METTL24: variants seen among roughly 807,000 people sequenced by gnomAD.
The protein encoded by METTL24 is probable methyltransferase-like protein 24.
A neutral mutation model predicts 32.7 loss-of-function variants in METTL24; 29 were observed. The ratio of observed to expected loss-of-function variants is 0.89; its 90% confidence interval spans 0.66 to 1.21. METTL24 has a LOEUF of 1.21. METTL24 is among the 50% of genes most tolerant of loss of function. The pLI is 0.00. For missense variants in METTL24, 439 were observed against 468.1 expected (o/e 0.94, Z 0.57); for synonymous variants, 163 against 179.5 (o/e 0.91, Z 0.73).
At chr6:110,321,708 C>A (rs985544324) in intron 2 of METTL24, among the ~76,000 whole-genome samples, 1 of 152,196 alleles carries the variant, frequency 6.6e-6, no homozygotes, top group African/African-American at 2.4e-5. Context: ...ATTCAACAAG[C>A]TTTTACGTCC....
chr6:110,358,334 G>C lies in METTL24; in HGVS notation c.-62C>G. Reference sequence around the variant, plus strand: ...CGGCAGCAGGGATGTAGCCCCACAGGCCGGAGCGGCCAACTGTGGGAACTC... The same window carrying C: ...CGGCAGCAGGGATGTAGCCCCACAGCCCGGAGCGGCCAACTGTGGGAACTC... On this transcript the variant is annotated 5_prime_UTR_variant, in exon 1 of 5. Transcript: ENST00000338882. The C allele has an allele frequency of 1.6e-6, 2 of 1,244,776 alleles. No individual in the cohort carries two copies. Among genetic ancestry groups the C allele is most frequent in the South Asian group, 3.4e-5 (2 of 58,832 alleles). The allele number at this position is 1,244,776 out of a possible 1,614,324, so 77.1% of individuals were successfully genotyped here.
chr6:110,265,972 C>A (rs898781061), intron 4 of METTL24, among the ~76,000 whole-genome samples: 3 of 151,514 alleles, frequency 2.0e-5, no homozygotes, highest in Non-Finnish European at 4.4e-5. Context: ...ACAGTCACAG[C>A]TCACTGCAAT....
At position 110,290,017 on chromosome 6, in the gene METTL24, T is replaced by C. The variant is rs917600147; in HGVS notation, c.786+8905A>G. 5.3e-5 allele frequency among the ~76,000 whole-genome samples: 8 copies of C among 152,092 alleles called. No homozygotes were observed. The East Asian group carries it at 7.7e-4, about 15-fold the overall frequency. The stretch of plus-strand genomic sequence containing the variant: ...CCCAGGCTGGAGTGCAGTGGCTCAA[T>C]TGATCCTCCTGCCTCAGCCTCCTGA... On this transcript the variant is annotated intron_variant, in intron 4 of 4. Coordinates refer to ENST00000338882, the MANE Select transcript of METTL24 (RefSeq NM_001123364.3).
intron 4 of METTL24, among the ~76,000 whole-genome samples, chr6:110,275,744 AAAC>A (rs930679655): frequency 6.6e-6 from 1 of 152,220 alleles, no homozygotes; most frequent in African/African-American, 2.4e-5. Context: ...CAGTAAAAGC[AAAC>A]AACAACAAAA....
intron 4 of METTL24, among the ~76,000 whole-genome samples, chr6:110,295,005 C>CTTTTTTTTTTTTTTTT (rs1562228256): frequency 1.0e-5 from 1 of 96,834 alleles, no homozygotes; most frequent in African/African-American, 4.1e-5. Flanking sequence ...TTCTTTTTTT[C>CTTTTTTTTTTTTTTTT]TTTCTTTCTT....
intron 3 of METTL24, among the ~76,000 whole-genome samples, chr6:110,307,692 G>C (rs141895080): frequency 2.6e-5 from 4 of 152,142 alleles, no homozygotes; most frequent in African/African-American, 4.8e-5. Context: ...GTGGCCATGC[G>C]CCCTGCTAAT....
At chr6:110,294,335 G>A (rs1240480842) in intron 4 of METTL24, among the ~76,000 whole-genome samples, 3 of 151,842 alleles carry the variant, frequency 2.0e-5, no homozygotes, top group African/African-American at 7.2e-5. Flanking sequence ...AGGTTGAATG[G>A]GTAGTTAACT....
At chr6:110,334,434 A>T (rs558674323) in intron 1 of METTL24, among the ~76,000 whole-genome samples, 21 of 152,276 alleles carry the variant, frequency 1.4e-4, no homozygotes, top group African/African-American at 4.6e-4. Flanking sequence ...CCAAAGGCTG[A>T]CAAGGGGACA....
chr6:110,343,925 A>T (rs1772414070), intron 1 of METTL24, among the ~76,000 whole-genome samples: 1 of 152,222 alleles, frequency 6.6e-6, no homozygotes, highest in East Asian at 1.9e-4. Context: ...AGAAATTCAA[A>T]GAAAGATGAC....
chr6:110,339,431 G>A (rs1410204632), intron 1 of METTL24, among the ~76,000 whole-genome samples: 1 of 152,172 alleles, frequency 6.6e-6, no homozygotes, highest in Non-Finnish European at 1.5e-5. Context: ...TAAAGGCTAG[G>A]TGCCATTTCT....
At position 110,287,117 on chromosome 6, in the gene METTL24, G is replaced by A. The variant is rs546635453; in HGVS notation, c.786+11805C>T. ...CAGATGGGCTTTCTACTCTATTGCAGCTCCATGTTAGTTAAACACTGAATG... is the reference window on the plus strand; with the variant it reads ...CAGATGGGCTTTCTACTCTATTGCAACTCCATGTTAGTTAAACACTGAATG... On this transcript the variant is annotated intron_variant, in intron 4 of 4. Transcript: ENST00000338882. Among the ~76,000 whole-genome samples, 3 of 152,274 alleles carry A rather than the reference G, an allele frequency of 2.0e-5. No homozygotes were observed. In the East Asian group the frequency reaches 5.8e-4, roughly 29 times the overall value.
intron 3 of METTL24, among the ~76,000 whole-genome samples, chr6:110,302,476 CACATATACACACAT>C (rs1562230718): frequency 4.3e-5 from 4 of 92,480 alleles, no homozygotes; most frequent in African/African-American, 1.8e-4. Context: ...TGTATATATA[CACATATACACACAT>C]ATGTGTATAT....
chr6:110,344,118 G>C (rs935325567), intron 1 of METTL24, among the ~76,000 whole-genome samples: 4 of 152,158 alleles, frequency 2.6e-5, no homozygotes, highest in African/African-American at 9.7e-5. Context: ...ATGTTATAAG[G>C]GTGGGTAACG....
rs1184335337 is a variant in METTL24 at position 110,245,446 on chromosome 6, A to C, written c.*500T>G. The stretch of plus-strand genomic sequence containing the variant: ...GCTTAGAAAGCCACAGCATGGCCTC[A>C]GCAAAGGCTGAGAAGGAATGACTGA... On this transcript the variant is annotated 3_prime_UTR_variant, in exon 5 of 5. Transcript: ENST00000338882. Among the ~76,000 whole-genome samples the C allele has an allele frequency of 6.6e-6, 1 of 152,236 alleles. No individual in the cohort carries two copies. Among genetic ancestry groups the C allele is most frequent in the Non-Finnish European group, 1.5e-5 (1 of 68,032 alleles).
intron 4 of METTL24, among the ~76,000 whole-genome samples, chr6:110,289,209 C>T (rs1304264785): frequency 6.6e-6 from 1 of 152,124 alleles, no homozygotes; most frequent in Non-Finnish European, 1.5e-5. Flanking sequence ...AACCAAAATT[C>T]CAAAATACAC....
intron 4 of METTL24, 29 bp downstream of exon 4, chr6:110,298,893 C>A: frequency 6.3e-7 from 1 of 1,595,918 alleles, no homozygotes; most frequent in South Asian, 1.1e-5. Flanking sequence ...TTACTTTATT[C>A]AAGTATAAAA....
intron 3 of METTL24, among the ~76,000 whole-genome samples, chr6:110,301,424 C>T (rs1206361595): frequency 2.0e-5 from 3 of 152,238 alleles, no homozygotes; most frequent in African/African-American, 4.8e-5. Flanking sequence ...GACTTTTTGG[C>T]TTGGCCATGT....
At chr6:110,350,408 G>A (rs1407283115) in intron 1 of METTL24, among the ~76,000 whole-genome samples, 1 of 152,028 alleles carries the variant, frequency 6.6e-6, no homozygotes, top group African/African-American at 2.4e-5. Flanking sequence ...AGTCCTAACT[G>A]ATACAGAAAT....
intron 1 of METTL24, among the ~76,000 whole-genome samples, chr6:110,349,115 T>C (rs1263789881): frequency 1.3e-5 from 2 of 152,170 alleles, no homozygotes; most frequent in Non-Finnish European, 1.5e-5. Flanking sequence ...CTAGACGATG[T>C]CCATTTAGAC....
Sources: allele counts gnomAD v4.1 joint callset (sites outside exome capture counted in the v4.1 genomes callset), GRCh38; gene constraint gnomAD v4.1.1; transcripts MANE v1.5; gene names NCBI Gene and HGNC (gene_info 2026-07-23, HGNC 2026-07-21).